The following RPA3 variants were observed in gnomAD, a reference collection of about 807,000 sequenced individuals.
The protein encoded by RPA3 is replication protein A3, also known as replication protein A 14 kDa subunit.
RPA3 carries 24 observed loss-of-function variants against 13.7 expected under a neutral mutation model. The observed-to-expected ratio is 1.75, with a 90% CI of 1.27 to 2.46. The LOEUF (loss-of-function observed/expected upper bound fraction) is 2.46. RPA3 is among the 30% of genes most tolerant of loss of function. The pLI, the probability that RPA3 is intolerant of heterozygous loss-of-function variation, is 0.00. For missense variants in RPA3, 183 were observed against 151.0 expected, an observed-to-expected ratio of 1.21 and a Z score of -1.11; for synonymous variants, 59 against 51.2, an observed-to-expected ratio of 1.15 and a Z score of -0.65.
At chr7:7,703,824 C>T (rs1249321441) in intron 2 of RPA3, among the ~76,000 whole-genome samples, 1 of 152,024 alleles carries the variant, frequency 6.6e-6, no homozygotes, top group Non-Finnish European at 1.5e-5. Flanking sequence ...CCCCTGTAGT[C>T]CCAGCTATTT....
chr7:7,675,998 C>G, intron 4 of RPA3: 2 of 395,366 alleles, frequency 5.1e-6, no homozygotes, highest in Non-Finnish European at 8.9e-6. Context: ...GGTACCATTA[C>G]TCTCCTGAAG....
intron 2 of RPA3, among the ~76,000 whole-genome samples, chr7:7,711,339 T>C (rs1780757969): frequency 1.3e-5 from 2 of 152,332 alleles, no homozygotes; most frequent in African/African-American, 4.8e-5. Context: ...TATGTGAGCT[T>C]TCCTCTAGAT....
chr7:7,664,946 C>T (rs1779400175), intron 4 of RPA3, among the ~76,000 whole-genome samples: 1 of 152,084 alleles, frequency 6.6e-6, no homozygotes, highest in African/African-American at 2.4e-5. Context: ...TTTTTCAGCA[C>T]TGTGAAATTT....
chr7:7,704,784 A>AATTTTT (rs1255131720), intron 2 of RPA3, among the ~76,000 whole-genome samples: 6 of 149,966 alleles, frequency 4.0e-5, no homozygotes, highest in Non-Finnish European at 8.9e-5. Context: ...AAAAAAAAAA[A>AATTTTT]AAAAAAAAAG....
At chr7:7,667,410 T>G (rs1375206065) in intron 4 of RPA3, among the ~76,000 whole-genome samples, 1 of 152,178 alleles carries the variant, frequency 6.6e-6, no homozygotes, top group African/African-American at 2.4e-5. Context: ...GCTTAGAGCT[T>G]ACCGCATACT....
At chr7:7,665,465 C>T (rs1354649234) in intron 4 of RPA3, among the ~76,000 whole-genome samples, 1 of 152,122 alleles carries the variant, frequency 6.6e-6, no homozygotes, top group East Asian at 1.9e-4. Flanking sequence ...ACAATTTTCC[C>T]AATAATTGTG....
Position 7,713,065 on chromosome 7 carries a change from G to A in RPA3, c.-1028+2110C>T, listed in dbSNP as rs377693566. On this transcript the variant is annotated intron_variant, in intron 2 of 7. Transcript: ENST00000223129. Reference sequence around the variant, plus strand: ...TTCAAAAAATATTCTAGGGCCGCGCGCGGTGGCTCACACCTATAATCCCAG... The same window carrying A: ...TTCAAAAAATATTCTAGGGCCGCGCACGGTGGCTCACACCTATAATCCCAG... 2.2e-4 allele frequency among the ~76,000 whole-genome samples: 33 copies of A among 152,104 alleles called. 1 individual carries two copies. Among genetic ancestry groups the A allele is most frequent in the African/African-American group, 7.7e-4 (32 of 41,474 alleles).
At chr7:7,665,072 C>G (rs532035622) in intron 4 of RPA3, among the ~76,000 whole-genome samples, 2 of 152,114 alleles carry the variant, frequency 1.3e-5, no homozygotes, top group Non-Finnish European at 2.9e-5. Flanking sequence ...TAGACAGTAG[C>G]TGCATCAATC....
chr7:7,667,349 A>G (rs752038341), intron 4 of RPA3, among the ~76,000 whole-genome samples: 17 of 152,248 alleles, frequency 1.1e-4, no homozygotes, highest in Admixed American at 8.5e-4. Flanking sequence ...ATTCTTGGGA[A>G]CTCCAGGCGG....
In RPA3 at chr7:7,658,106, CTGTT is replaced by C. The variant is rs1281369686; in HGVS notation, c.-757-16935_-757-16932del. Reference sequence around the variant, plus strand: ...GGGAGTTCACTCATGCTTTGGCTCTCTGTTTGTCTATTATTGGTGTATAGGAATG... The same window carrying C: ...GGGAGTTCACTCATGCTTTGGCTCTCTGTCTATTATTGGTGTATAGGAATG... On this transcript the variant is annotated intron_variant, in intron 4 of 7. Coordinates refer to ENST00000223129, the MANE Select transcript of RPA3 (RefSeq NM_002947.5). Among the ~76,000 whole-genome samples the C allele has an allele frequency of 1.9e-4, 29 of 152,268 alleles. 1 individual carries two copies. The highest frequency in any genetic ancestry group is 6.0e-4 in the African/African-American group (25 of 41,546).
At chr7:7,659,158 T>C (rs550657719) in intron 4 of RPA3, among the ~76,000 whole-genome samples, 1 of 152,320 alleles carries the variant, frequency 6.6e-6, no homozygotes, top group African/African-American at 2.4e-5. Context: ...ATATCCCCTT[T>C]ATCATTTTTT....
At chr7:7,659,159 A>G (rs1213219071) in intron 4 of RPA3, among the ~76,000 whole-genome samples, 1 of 152,014 alleles carries the variant, frequency 6.6e-6, no homozygotes, top group Non-Finnish European at 1.5e-5. Context: ...TATCCCCTTT[A>G]TCATTTTTTA....
At chr7:7,659,687 C>A (rs997569531) in intron 4 of RPA3, among the ~76,000 whole-genome samples, 11 of 152,256 alleles carry the variant, frequency 7.2e-5, no homozygotes, top group African/African-American at 2.6e-4. Flanking sequence ...GATTTCCGTT[C>A]TTTTGCATTT....
At chr7:7,703,195 C>T (rs1030810619) in intron 2 of RPA3, among the ~76,000 whole-genome samples, 3 of 152,118 alleles carry the variant, frequency 2.0e-5, no homozygotes, top group African/African-American at 7.2e-5. Flanking sequence ...TGATTAAAAT[C>T]CACTTGATGT....
chr7:7,652,020 G>C (rs1583695026), intron 4 of RPA3, among the ~76,000 whole-genome samples: 1 of 152,174 alleles, frequency 6.6e-6, no homozygotes, highest in South Asian at 2.1e-4. Flanking sequence ...ATCTTGTCAG[G>C]GAGGGGTAGA....
intron 5 of RPA3, among the ~76,000 whole-genome samples, chr7:7,639,555 G>T (rs971161209): frequency 2.6e-5 from 4 of 152,136 alleles, no homozygotes; most frequent in Non-Finnish European, 5.9e-5. Context: ...GAATATCTGG[G>T]TCCTACTCCT....
rs28916270 is a variant in RPA3 at position 7,653,356 on chromosome 7, A to T, written c.-757-12181T>A. 6.6e-4 allele frequency among the ~76,000 whole-genome samples: 101 copies of T among 152,352 alleles called. 1 individual carries two copies. The highest frequency in any genetic ancestry group is 2.4e-3 in the African/African-American group (99 of 41,570). On this transcript the variant is annotated intron_variant, in intron 4 of 7. Transcript: ENST00000223129. ...CTGTAAATTGCCTTCTTTGTCAGTG[A>T]TTGAGATCCAAATGATAAATTCTTA...
chr7:7,639,118 A>C lies in RPA3; in HGVS notation c.126T>G (p.Ile42Met). ...CATTTTTTCCTTCTCCATCTGAAAGAATAAACATTTTTCCGGTGGGATGAA... is the reference window on the plus strand; with the variant it reads ...CATTTTTTCCTTCTCCATCTGAAAGCATAAACATTTTTCCGGTGGGATGAA... ...EKIHPTGKMFILSDGEGKNGT... is the reference protein window; with the variant it reads ...EKIHPTGKMFMLSDGEGKNGT... Residue 42 changes from isoleucine to methionine, a missense_variant, in exon 6 of 8, where the codon ATT becomes ATG. Transcript: ENST00000223129. 6.2e-7 allele frequency: 1 copy of C among 1,612,500 alleles called. No homozygotes were observed.
At chr7:7,646,416 C>A (rs188803367) in intron 4 of RPA3, among the ~76,000 whole-genome samples, 3 of 149,358 alleles carry the variant, frequency 2.0e-5, no homozygotes, top group Admixed American at 2.0e-4. Flanking sequence ...CCATACTGTT[C>A]TCGTGGTAGT....
Sources: gnomAD v4.1 joint callset for allele counts (sites outside exome capture counted in the v4.1 genomes callset) on GRCh38, gnomAD v4.1.1 for gene constraint, MANE v1.5 for transcripts, NCBI Gene and HGNC (gene_info 2026-07-23, HGNC 2026-07-21) for gene names.